The following DBR1 variants were observed in gnomAD, a reference collection of about 807,000 sequenced individuals.
The protein encoded by DBR1 is lariat debranching enzyme.
Under a neutral mutation model 45.9 loss-of-function variants are expected in DBR1, and 33 were observed. The ratio of observed to expected loss-of-function variants is 0.72; its 90% CI spans 0.55 to 0.96. The LOEUF (loss-of-function observed/expected upper bound fraction) is 0.96. DBR1 is among the 40% of genes least tolerant of loss of function. DBR1 has a pLI of 0.00. For missense variants in DBR1, 619 were observed against 667.4 expected (o/e 0.93, Z 0.80); for synonymous variants, 235 against 235.9 (o/e 1.00, Z 0.04).
intron 5 of DBR1, among the ~76,000 whole-genome samples, 189 bp downstream of exon 5, chr3:138,166,892 C>T (rs1274525323): frequency 6.6e-6 from 1 of 152,170 alleles, no homozygotes; most frequent in Non-Finnish European, 1.5e-5. Context: ...TAGGTGCTCC[C>T]ACTGCCTACG....
intron 1 of DBR1, among the ~76,000 whole-genome samples, chr3:138,174,007 C>A (rs1232190618): frequency 2.3e-5 from 3 of 129,766 alleles, no homozygotes; most frequent in Non-Finnish European, 4.7e-5. Context: ...GGCAACAAAG[C>A]GAAACTCTGT....
chr3:138,163,479 G>C lies in DBR1; in HGVS notation c.811C>G (p.His271Asp), dbSNP rs374285392. The C allele has an allele frequency of 3.1e-6, 5 of 1,601,006 alleles. No individual in the cohort carries two copies. Among genetic ancestry groups the C allele is most frequent in the Non-Finnish European group, 4.3e-6 (5 of 1,169,628 alleles). The stretch of plus-strand genomic sequence containing the variant: ...AAGTAATCAGGAGCACTGGGGTCAT[G>C]TTCTATCTCTAATATCTACAGGATG... ...RDFLQILEIE[H>D]DPSAPDYLEY... Residue 271 changes from histidine to aspartate, a missense_variant, in exon 7 of 8, where the codon CAT becomes GAT. Coordinates refer to ENST00000260803, the MANE Select transcript of DBR1 (RefSeq NM_016216.4).
rs777348119 is a variant in DBR1, at chr3:138,173,583, T to A, written c.241A>T (p.Ile81Phe). 6.2e-7 allele frequency: 1 copy of A among 1,613,702 alleles called. No individual in the cohort carries two copies. Among genetic ancestry groups the A allele is most frequent in the Non-Finnish European group, 8.5e-7 (1 of 1,179,848 alleles). ...EKKAPVLTLF[I>F]GGNHEASNHL... ...TTTGAGGCTTCATGGTTTCCCCCAA[T>A]GAAGAGCGTGAGAACTGGAGCCTTT... Residue 81 changes from isoleucine (I) to phenylalanine (F), a missense_variant, in exon 2 of 8, where the codon ATT becomes TTT. Ile to Phe is a conservative substitution (Grantham distance 21). This residue lies in a region of DBR1 where 430 missense variants were observed against 447.7 expected (regional missense o/e 0.96). Transcript: ENST00000260803.
intron 3 of DBR1, 45 bp downstream of exon 3, chr3:138,171,588 G>C (rs1286499555): frequency 1.6e-6 from 2 of 1,279,410 alleles, no homozygotes; most frequent in Admixed American, 3.4e-5. Context: ...ACTTACTCTG[G>C]GGCATGCAAG....
intron 5 of DBR1, among the ~76,000 whole-genome samples, chr3:138,164,902 C>T (rs1225319581): frequency 6.6e-6 from 1 of 152,184 alleles, no homozygotes; most frequent in East Asian, 1.9e-4. Context: ...CCGCCTTGGC[C>T]TCCCAAAGTG....
intron 2 of DBR1, among the ~76,000 whole-genome samples, 183 bp downstream of exon 2, chr3:138,173,319 G>A (rs997377365): frequency 6.6e-6 from 1 of 152,098 alleles, no homozygotes; most frequent in Non-Finnish European, 1.5e-5. Flanking sequence ...ACTAGATGAA[G>A]GGCATATTTT....
chr3:138,167,897 AGAT>A (rs995699735), intron 4 of DBR1, among the ~76,000 whole-genome samples: 19 of 152,166 alleles, frequency 1.2e-4, no homozygotes. Context: ...CAATAAGCCG[AGAT>A]CATGCAATTG....
chr3:138,166,201 C>T (rs764371996), intron 5 of DBR1, among the ~76,000 whole-genome samples: 26 of 152,282 alleles, frequency 1.7e-4, no homozygotes, highest in Non-Finnish European at 3.7e-4. Context: ...ACACAGTTTT[C>T]CTATGGACTA....
intron 5 of DBR1, among the ~76,000 whole-genome samples, 179 bp downstream of exon 5, chr3:138,166,902 G>A (rs189302398): frequency 1.1e-4 from 16 of 152,134 alleles, no homozygotes; most frequent in East Asian, 9.6e-4. Context: ...CACTGCCTAC[G>A]TTTTCTCTCA....
rs374734939 is a variant in DBR1 at position 138,163,823 on chromosome 3, T to A, written c.750A>T (p.Lys250Asn). Residue 250 changes from lysine (K) to asparagine (N), a missense_variant, in exon 6 of 8, where the codon AAA (lysine) becomes AAT (asparagine). Around this residue, in one of 3 missense-constraint regions of DBR1, gnomAD observed 430 missense variants for 447.7 expected, o/e 0.96. Transcript: ENST00000260803. ...GTAAGCATTTGTCCAAGGCTAAAAA[T>A]TTGGTTGCTCTGGCTGTCTGTCCTT... ...KDKGQTARAT[K>N]FLALDKCLPH... 1.4e-5 allele frequency: 22 copies of A among 1,613,082 alleles called. No individual in the cohort carries two copies. The highest frequency in any genetic ancestry group is 1.9e-5 in the Non-Finnish European group (22 of 1,179,474).
intron 5 of DBR1, among the ~76,000 whole-genome samples, chr3:138,165,278 T>C (rs2042925101): frequency 6.6e-6 from 1 of 152,200 alleles, no homozygotes; most frequent in African/African-American, 2.4e-5. Flanking sequence ...AGAAGTGTTT[T>C]AAATTTCAGA....
rs762972699 is a variant in DBR1 at position 138,170,819 on chromosome 3, A to G, written c.404-627T>C. Among the ~76,000 whole-genome samples the G allele has an allele frequency of 4.6e-5, 7 of 152,384 alleles. No individual in the cohort carries two copies. The East Asian group carries it at 1.3e-3, about 29-fold the overall frequency. On this transcript the variant is annotated intron_variant, in intron 3 of 7. Transcript: ENST00000260803. ...AAGTATAATTCATTCAGACACAATG[A>G]AATTAATATGCAGTTGTGATATACT...
In DBR1 at chr3:138,171,689, C is replaced by T. The variant is rs191578745; in HGVS notation, c.347G>A (p.Arg116Gln). 545 of 1,613,444 alleles carry T rather than the reference C, an allele frequency of 3.4e-4. 1 individual carries two copies. The East Asian group carries it at 0.01, about 30-fold the overall frequency. The change falls in exon 3 of 8, where the codon CGA (arginine) becomes CAA (glutamine). Residue 116 changes from arginine to glutamine, a missense_variant. Physicochemically the swap from Arg to Gln is conservative, Grantham distance 43 (BLOSUM62 1). Around this residue, in one of 3 missense-constraint regions of DBR1, gnomAD observed 430 missense variants for 447.7 expected, o/e 0.96. Coordinates refer to ENST00000260803, the MANE Select transcript of DBR1 (RefSeq NM_016216.4). ...AGAGATTCCACCGATCCTTACACCTCGGTATTTTACCACACCAGCCAAACC... is the reference window on the plus strand; with the variant it reads ...AGAGATTCCACCGATCCTTACACCTTGGTATTTTACCACACCAGCCAAACC... Reference protein sequence around the residue: ...YLGLAGVVKYRGVRIGGISGI... With the variant: ...YLGLAGVVKYQGVRIGGISGI...
Position 138,162,449 on chromosome 3 carries a change from G to T in DBR1, c.1075C>A (p.Leu359Met), listed in dbSNP as rs769344353. ...DPSKPQTQMQLIHRINPQTTE... is the reference protein window; with the variant it reads ...DPSKPQTQMQMIHRINPQTTE... ...GTCTGAGGATTGATCCTATGAATCA[G>T]CTGCATTTGTGTCTGTGGCTTGCTA... Residue 359 changes from leucine to methionine, a missense_variant, in exon 8 of 8, where the codon CTG becomes ATG. This residue lies in a region of DBR1 where 430 missense variants were observed against 447.7 expected (regional missense o/e 0.96). Transcript: ENST00000260803. 6.2e-7 allele frequency: 1 copy of T among 1,614,154 alleles called. No individual in the cohort carries two copies. Among genetic ancestry groups the T allele is most frequent in the East Asian group, 2.2e-5 (1 of 44,874 alleles).
intron 1 of DBR1, 140 bp downstream of exon 1, chr3:138,174,459 C>T: frequency 1.1e-6 from 1 of 874,796 alleles, no homozygotes; most frequent in Non-Finnish European, 1.7e-6. Flanking sequence ...CTCCCACTAC[C>T]TCACCCCTGT....
At position 138,171,633 on chromosome 3, in the gene DBR1, C is replaced by T. The variant is rs771120540; in HGVS notation, c.403G>A (p.Gly135Ser). Residue 135 changes from glycine (G) to serine (S), a missense_variant and splice_region_variant, in exon 3 of 8, where the codon GGT becomes AGT. This residue lies in a region of DBR1 where 430 missense variants were observed against 447.7 expected (regional missense o/e 0.96). Transcript: ENST00000260803. ...GIFKSHDYRK[G>S]HFECPPYNSS... ...TTAAAAATAATTCTCAAAACAATAC[C>T]TTTTCGATAGTCATGAGATTTAAAG... is the stretch of plus-strand genomic sequence containing the variant. The T allele has an allele frequency of 6.2e-7, 1 of 1,609,160 alleles. No individual in the cohort carries two copies. The highest frequency in any genetic ancestry group is 2.2e-5 in the East Asian group (1 of 44,826).
chr3:138,170,326 T>C, intron 3 of DBR1, 134 bp from the exon 4 acceptor site: 1 of 585,178 alleles, frequency 1.7e-6, no homozygotes. Context: ...CTAGGGAAAT[T>C]TTTTAAAAAG....
chr3:138,162,198 AC>A lies in DBR1; in HGVS notation c.1325del (p.Ser442MetfsTer6), dbSNP rs1171556772. Reference sequence around the variant, plus strand: ...ATGGTGTATTCATGCCACTATGTGCACTTACAATACTATCTTCATCTTCTTC... The same window carrying A: ...ATGGTGTATTCATGCCACTATGTGCATTACAATACTATCTTCATCTTCTTC... ...DEEEDEDSIV[S>X]AHSGMNTPSV... On this transcript the variant is annotated frameshift_variant, in exon 8 of 8. Coordinates refer to ENST00000260803, the MANE Select transcript of DBR1 (RefSeq NM_016216.4). LOFTEE classifies it high-confidence loss of function. The A allele has an allele frequency of 6.2e-6, 10 of 1,614,066 alleles. No homozygotes were observed. The highest frequency in any genetic ancestry group is 7.6e-6 in the Non-Finnish European group (9 of 1,180,050).
Position 138,173,513 on chromosome 3 carries a change from A to G in DBR1, c.311T>C (p.Ile104Thr). Residue 104 changes from isoleucine (I) to threonine (T), a missense_variant, in exon 2 of 8, where the codon ATT becomes ACT. This residue lies in a region of DBR1 where 430 missense variants were observed against 447.7 expected (regional missense o/e 0.96). Transcript: ENST00000260803. ...ACACAATCACATACCTAAATAATAAATGTTTGGTGCCACCCAGCCACCATA... is the reference window on the plus strand; with the variant it reads ...ACACAATCACATACCTAAATAATAAGTGTTTGGTGCCACCCAGCCACCATA... ...LPYGGWVAPN[I>T]YYLGLAGVVK... The G allele has an allele frequency of 6.2e-7, 1 of 1,613,670 alleles. No homozygotes were observed. The highest frequency in any genetic ancestry group is 1.3e-5 in the African/African-American group (1 of 75,022).
Sources: gnomAD v4.1 joint callset for allele counts (sites outside exome capture counted in the v4.1 genomes callset) on GRCh38, gnomAD v4.1.1 for gene constraint, gnomAD v4.1.1 regional missense constraint, MANE v1.5 for transcripts, NCBI Gene and HGNC (gene_info 2026-07-23, HGNC 2026-07-21) for gene names.